SLC2A9: variants seen among roughly 807,000 people sequenced by gnomAD.
The protein encoded by SLC2A9 is solute carrier family 2 member 9, also known as solute carrier family 2, facilitated glucose transporter member 9.
A neutral mutation model predicts 50.6 loss-of-function variants in SLC2A9; 39 were observed. The ratio of observed to expected loss-of-function variants is 0.77; its 90% CI spans 0.60 to 1.01. SLC2A9 has a LOEUF of 1.01. Among genes scored for constraint, SLC2A9 ranks in the 50% least tolerant of loss-of-function variants. The pLI is 0.00. For synonymous variants in SLC2A9, 324 were observed against 276.9 expected, an observed-to-expected ratio of 1.17 and a Z score of -1.69; for missense variants, 686 against 677.6, an observed-to-expected ratio of 1.01 and a Z score of -0.14.
Position 10,021,024 on chromosome 4 carries a change from G to A in SLC2A9, c.150+256C>T, listed in dbSNP as rs112540012. Among the ~76,000 whole-genome samples, 259 of 152,354 alleles carry A rather than the reference G, an allele frequency of 1.7e-3. No homozygotes were observed. The highest frequency in any genetic ancestry group is 3.6e-3 in the Admixed American group (55 of 15,312). ...ATGCAAGTGCGGGGCAGGGCAGCCT[G>A]CCACCATAGCCTCATTCCATGTACA... On this transcript the variant is annotated intron_variant, in intron 1 of 11. Transcript: ENST00000264784.
intron 3 of SLC2A9, chr4:9,782,038 G>T (rs1358369657): frequency 6.8e-6 from 10 of 1,467,428 alleles, no homozygotes; most frequent in South Asian, 5.7e-5. Flanking sequence ...AAATGCTGCC[G>T]CCAGGCAGCA....
At chr4:9,817,938 G>A (rs923061468) in intron 3 of SLC2A9, among the ~76,000 whole-genome samples, 1 of 152,184 alleles carries the variant, frequency 6.6e-6, no homozygotes, top group African/African-American at 2.4e-5. Context: ...CAGGGCAATT[G>A]TGCCGCATTC....
chr4:9,771,818 G>A (rs1716862957), intron 1 of SLC2A9, among the ~76,000 whole-genome samples: 1 of 152,164 alleles, frequency 6.6e-6, no homozygotes, highest in Non-Finnish European at 1.5e-5. Context: ...ATGTGAGTGG[G>A]CACTCACCCC....
chr4:9,992,590 T>A (rs1439344019), intron 3 of SLC2A9, among the ~76,000 whole-genome samples: 1 of 152,172 alleles, frequency 6.6e-6, no homozygotes, highest in East Asian at 1.9e-4. Flanking sequence ...ATCACAACTA[T>A]CGGAAGGAGA....
intron 1 of SLC2A9, among the ~76,000 whole-genome samples, chr4:10,032,664 C>T (rs1041475409): frequency 3.3e-5 from 5 of 152,262 alleles, no homozygotes; most frequent in Middle Eastern, 3.4e-3. Flanking sequence ...AGGAGACAAG[C>T]CCTGCCAAGT....
intron 1 of SLC2A9, among the ~76,000 whole-genome samples, chr4:10,032,739 G>T (rs1763975229): frequency 6.6e-6 from 1 of 152,092 alleles, no homozygotes; most frequent in Admixed American, 6.5e-5. Flanking sequence ...TCATTACCCA[G>T]CCCGTGCAGC....
chr4:9,845,334 T>G (rs1560183517), intron 10 of SLC2A9, among the ~76,000 whole-genome samples: 1 of 151,858 alleles, frequency 6.6e-6, no homozygotes. Flanking sequence ...TTTAATTTTA[T>G]TTTTGAATAA....
At chr4:9,951,274 T>C (rs959910422) in intron 5 of SLC2A9, among the ~76,000 whole-genome samples, 21 of 152,126 alleles carry the variant, frequency 1.4e-4, no homozygotes, top group African/African-American at 4.6e-4. Context: ...CTCACTTATA[T>C]GTGGAAGCTA....
intron 9 of SLC2A9, among the ~76,000 whole-genome samples, chr4:9,887,899 T>C (rs1736589525): frequency 6.6e-6 from 1 of 152,134 alleles, no homozygotes; most frequent in South Asian, 2.1e-4. Context: ...CAGGAAGTGG[T>C]AAATAAATCA....
At chr4:9,802,946 A>G (rs577219222) in intron 3 of SLC2A9, among the ~76,000 whole-genome samples, 3 of 152,286 alleles carry the variant, frequency 2.0e-5, no homozygotes, top group Admixed American at 2.0e-4. Flanking sequence ...GAAGACCCCA[A>G]TTAACTTCCC....
At chr4:9,938,822 T>C (rs1311972052) in intron 6 of SLC2A9, among the ~76,000 whole-genome samples, 1 of 152,164 alleles carries the variant, frequency 6.6e-6, no homozygotes, top group Non-Finnish European at 1.5e-5. Context: ...TTGCAGGCAC[T>C]GGAGGCTGGG....
intron 11 of SLC2A9, among the ~76,000 whole-genome samples, chr4:9,832,268 T>G (rs562828419): frequency 1.3e-3 from 198 of 152,230 alleles, no homozygotes; most frequent in Non-Finnish European, 2.5e-3. Flanking sequence ...GGGATGTGAC[T>G]CAGAACTTGT....
At chr4:9,994,281 T>A (rs1485134409) in intron 3 of SLC2A9, among the ~76,000 whole-genome samples, 1 of 152,184 alleles carries the variant, frequency 6.6e-6, no homozygotes, top group Non-Finnish European at 1.5e-5. Context: ...GTAAATGATA[T>A]ATGGGATGTC....
rs965638041 is a variant in SLC2A9, at chr4:9,839,383, G to A, written c.1292-4375C>T. ...AAAAAGGAACATTTATACACTGTTC[G>A]TGGGAGTGTAAATTAGTTCAACCAT... On this transcript the variant is annotated intron_variant, in intron 10 of 11. Coordinates refer to ENST00000264784, the MANE Select transcript of SLC2A9 (RefSeq NM_020041.3). Among the ~76,000 whole-genome samples the A allele has an allele frequency of 4.6e-5, 7 of 152,228 alleles. No homozygotes were observed. In the East Asian group the frequency reaches 1.2e-3, roughly 25 times the overall value.
chr4:9,841,478 T>C (rs1274159171), intron 10 of SLC2A9, among the ~76,000 whole-genome samples: 2 of 152,222 alleles, frequency 1.3e-5, no homozygotes, highest in Non-Finnish European at 2.9e-5. Context: ...AGCTACTTTG[T>C]CCAGATTGCC....
At chr4:9,972,533 C>T (rs956057994) in intron 5 of SLC2A9, among the ~76,000 whole-genome samples, 15 of 149,402 alleles carry the variant, frequency 1.0e-4, no homozygotes, top group Non-Finnish European at 2.1e-4. Flanking sequence ...CCTTCGTCTA[C>T]CACAGGCTCA....
intron 10 of SLC2A9, among the ~76,000 whole-genome samples, chr4:9,843,607 C>A (rs190857425): frequency 1.3e-5 from 2 of 152,248 alleles, no homozygotes; most frequent in African/African-American, 2.4e-5. Context: ...TGACCTTGGG[C>A]ACATTAGTTC....
At chr4:9,963,642 G>T (rs1003467607) in intron 5 of SLC2A9, among the ~76,000 whole-genome samples, 2 of 152,182 alleles carry the variant, frequency 1.3e-5, no homozygotes, top group African/African-American at 4.8e-5. Context: ...CCTCTCAAGA[G>T]GCCCCTGCTC....
chr4:9,916,620 A>G (rs867692205), intron 7 of SLC2A9, among the ~76,000 whole-genome samples: 1 of 152,212 alleles, frequency 6.6e-6, no homozygotes, highest in Non-Finnish European at 1.5e-5. Context: ...CAAACTGAGT[A>G]TTATCATCCC....
Sources: gnomAD v4.1 joint callset for allele counts (sites outside exome capture counted in the v4.1 genomes callset) on GRCh38, gnomAD v4.1.1 for gene constraint, MANE v1.5 for transcripts, NCBI Gene and HGNC (gene_info 2026-07-23, HGNC 2026-07-21) for gene names.